The following RPH3A variants were observed in gnomAD, a reference collection of about 807,000 sequenced individuals.
RPH3A encodes the protein rabphilin-3A.
RPH3A carries 48 observed loss-of-function variants against 102.2 expected under a neutral mutation model. That is an observed-to-expected ratio of 0.47 (90% CI 0.37 to 0.60). The LOEUF (loss-of-function observed/expected upper bound fraction) is 0.60. Among genes scored for constraint, RPH3A ranks in the 20% least tolerant of loss-of-function variants. The probability of loss-of-function intolerance (pLI) is 0.00; values close to 1 mark genes in which losing one functional copy is unlikely to be tolerated. For synonymous variants in RPH3A, 310 were observed against 324.3 expected (o/e 0.96, Z 0.47); for missense variants, 781 against 910.1 (o/e 0.86, Z 1.83).
intron 1 of RPH3A, among the ~76,000 whole-genome samples, chr12:112,618,778 G>A (rs984102934): frequency 1.6e-4 from 25 of 152,298 alleles, no homozygotes; most frequent in African/African-American, 6.0e-4. Flanking sequence ...TCACAGGGTT[G>A]TATGACTATC....
At chr12:112,594,526 G>A (rs2039502965) in intron 1 of RPH3A, among the ~76,000 whole-genome samples, 1 of 152,134 alleles carries the variant, frequency 6.6e-6, no homozygotes, top group Non-Finnish European at 1.5e-5. Flanking sequence ...ATTCATTCGA[G>A]TATCTTCTGT....
chr12:112,595,117 T>C (rs2039507551), intron 1 of RPH3A, among the ~76,000 whole-genome samples: 1 of 151,962 alleles, frequency 6.6e-6, no homozygotes, highest in Non-Finnish European at 1.5e-5. Context: ...TCACTTCACC[T>C]CTCTGTGCTT....
intron 1 of RPH3A, among the ~76,000 whole-genome samples, chr12:112,648,527 A>C (rs932239815): frequency 1.5e-4 from 20 of 133,498 alleles, no homozygotes; most frequent in Non-Finnish European, 2.4e-4. Context: ...TGAGCCCAGG[A>C]GTTTGAGACC....
At chr12:112,738,962 G>A (rs2040688338) in intron 1 of RPH3A, among the ~76,000 whole-genome samples, 1 of 152,102 alleles carries the variant, frequency 6.6e-6, no homozygotes. Context: ...GCAGTATGAG[G>A]TAGATGCATG....
chr12:112,825,190 G>T (rs961155445), intron 2 of RPH3A, among the ~76,000 whole-genome samples: 5 of 152,098 alleles, frequency 3.3e-5, no homozygotes, highest in Admixed American at 1.3e-4. Context: ...CACAACAGGA[G>T]CTGTCTCTCC....
intron 1 of RPH3A, among the ~76,000 whole-genome samples, chr12:112,653,099 G>A (rs1181566446): frequency 1.3e-5 from 2 of 151,962 alleles, no homozygotes; most frequent in African/African-American, 4.8e-5. Context: ...CAGTATAAAA[G>A]ATAAATACAG....
chr12:112,836,836 C>T (rs1218651073), intron 4 of RPH3A, among the ~76,000 whole-genome samples: 3 of 152,150 alleles, frequency 2.0e-5, no homozygotes, highest in Non-Finnish European at 2.9e-5. Context: ...GAACACTGTT[C>T]TGCGATAAGG....
intron 1 of RPH3A, among the ~76,000 whole-genome samples, chr12:112,645,559 G>T (rs1047796926): frequency 6.6e-6 from 1 of 152,144 alleles, no homozygotes; most frequent in African/African-American, 2.4e-5. Flanking sequence ...ACTAAATTAG[G>T]ATCTTGCTTT....
chr12:112,626,401 C>A (rs1290811505), intron 1 of RPH3A, among the ~76,000 whole-genome samples: 1 of 23,194 alleles, frequency 4.3e-5, no homozygotes, highest in Non-Finnish European at 7.5e-5. Context: ...GGGCGAAGGA[C>A]ATGAACAGAC....
At chr12:112,771,825 G>A (rs1165502055) in intron 1 of RPH3A, among the ~76,000 whole-genome samples, 1 of 151,974 alleles carries the variant, frequency 6.6e-6, no homozygotes, top group African/African-American at 2.4e-5. Context: ...CCTATCTAGG[G>A]GATAGAAGTC....
At chr12:112,742,110 T>C (rs972730591) in intron 1 of RPH3A, among the ~76,000 whole-genome samples, 1 of 152,156 alleles carries the variant, frequency 6.6e-6, no homozygotes, top group African/African-American at 2.4e-5. Flanking sequence ...AGAGCTTGAT[T>C]TTTTTCTCTA....
At chr12:112,745,463 G>A (rs1040520329) in intron 1 of RPH3A, among the ~76,000 whole-genome samples, 2 of 152,014 alleles carry the variant, frequency 1.3e-5, no homozygotes, top group East Asian at 3.9e-4. Context: ...CATTCCTTTT[G>A]CAGTTCTTAG....
Position 112,869,810 on chromosome 12 carries a change from G to A in RPH3A, c.649+13G>A, listed in dbSNP as rs2042675070. The A allele has an allele frequency of 1.2e-6, 2 of 1,614,046 alleles. No individual in the cohort carries two copies. Among genetic ancestry groups the A allele is most frequent in the Non-Finnish European group, 1.7e-6 (2 of 1,180,034 alleles). On this transcript the variant is annotated intron_variant, in intron 9 of 21. Coordinates refer to ENST00000389385, the MANE Select transcript of RPH3A (RefSeq NM_001143854.2). ...GGTCAGAAGACAGGTGGGTTCTGCT[G>A]ACTCTGTTTTGTCATTTGAGACACG...
chr12:112,766,764 G>A (rs1020212862), intron 1 of RPH3A, among the ~76,000 whole-genome samples: 1 of 152,142 alleles, frequency 6.6e-6, no homozygotes, highest in Non-Finnish European at 1.5e-5. Flanking sequence ...GATGATAAAG[G>A]GATCCAAGGG....
chr12:112,831,913 C>A, intron 3 of RPH3A: 1 of 405,264 alleles, frequency 2.5e-6, no homozygotes. Flanking sequence ...TTTCTTATTG[C>A]TTTTTTCTAC....
chr12:112,888,161 G>A (rs897317036), intron 17 of RPH3A, among the ~76,000 whole-genome samples: 3 of 152,256 alleles, frequency 2.0e-5, no homozygotes, highest in Non-Finnish European at 4.4e-5. Context: ...GGCCAAACTG[G>A]ATGGACAGCA....
At chr12:112,763,623 A>G (rs983437420) in intron 1 of RPH3A, among the ~76,000 whole-genome samples, 2 of 152,204 alleles carry the variant, frequency 1.3e-5, no homozygotes, top group African/African-American at 4.8e-5. Context: ...TATTATGCAG[A>G]TGAAGCTTCC....
chr12:112,747,540 G>T (rs1017420559), intron 1 of RPH3A, among the ~76,000 whole-genome samples: 4 of 152,182 alleles, frequency 2.6e-5, no homozygotes, highest in African/African-American at 9.7e-5. Context: ...TAACTTATTT[G>T]CTGATTGAAT....
intron 1 of RPH3A, among the ~76,000 whole-genome samples, chr12:112,785,413 G>A (rs1354390896): frequency 6.6e-6 from 1 of 152,038 alleles, no homozygotes; most frequent in East Asian, 1.9e-4. Context: ...ATTTTCTAAT[G>A]TGCTTTAAAG....
Sources: gnomAD v4.1 joint callset for allele counts (sites outside exome capture counted in the v4.1 genomes callset) on GRCh38, gnomAD v4.1.1 for gene constraint, MANE v1.5 for transcripts, NCBI Gene and HGNC (gene_info 2026-07-23, HGNC 2026-07-21) for gene names.